ARHGEF28: variants seen among roughly 807,000 people sequenced by gnomAD.
ARHGEF28 encodes the protein 190 kDa guanine nucleotide exchange factor.
ARHGEF28 carries 152 observed loss-of-function variants against 206.6 expected under a neutral mutation model. The ratio of observed to expected loss-of-function variants is 0.74; its 90% confidence interval spans 0.64 to 0.84. The LOEUF is 0.84. Among genes scored for constraint, ARHGEF28 ranks in the 40% least tolerant of loss-of-function variants. ARHGEF28 has a pLI of 0.00. For synonymous variants in ARHGEF28, 763 were observed against 776.4 expected (o/e 0.98, Z 0.29); for missense variants, 2,028 against 2,073.2 (o/e 0.98, Z 0.42).
At chr5:73,639,251 T>C (rs2112134585) in intron 1 of ARHGEF28, among the ~76,000 whole-genome samples, 1 of 148,882 alleles carries the variant, frequency 6.7e-6, no homozygotes, top group South Asian at 2.1e-4. Flanking sequence ...ATATAATATA[T>C]ATACATCCTT....
Position 73,935,248 on chromosome 5 carries a change from T to C in ARHGEF28, c.4949-5596T>C, listed in dbSNP as rs376392049. Among the ~76,000 whole-genome samples the C allele has an allele frequency of 6.6e-4, 100 of 152,318 alleles. 3 individuals carry two copies. In the South Asian group the frequency reaches 0.02, roughly 31 times the overall value. On this transcript the variant is annotated intron_variant, in intron 35 of 35. Coordinates refer to ENST00000513042, the MANE Select transcript of ARHGEF28 (RefSeq NM_001177693.2). ...ACTTCACAAATTTGTACATGTGTTA[T>C]ACATGCCACATACATACACAAACAC... is the stretch of plus-strand genomic sequence containing the variant.
intron 35 of ARHGEF28, among the ~76,000 whole-genome samples, chr5:73,921,334 G>C (rs1476044660): frequency 1.3e-5 from 2 of 152,224 alleles, no homozygotes; most frequent in Non-Finnish European, 2.9e-5. Flanking sequence ...AGGAGGAAGA[G>C]TTGTTCTGCT....
intron 4 of ARHGEF28, among the ~76,000 whole-genome samples, chr5:73,764,353 A>G (rs1381366726): frequency 6.6e-6 from 1 of 152,226 alleles, no homozygotes; most frequent in Non-Finnish European, 1.5e-5. Context: ...CAGAATGTGA[A>G]GGTCAAAAAT....
intron 22 of ARHGEF28, among the ~76,000 whole-genome samples, chr5:73,880,200 CGAG>C (rs1760823275): frequency 6.6e-6 from 1 of 152,136 alleles, no homozygotes; most frequent in Admixed American, 6.5e-5. Context: ...TAGCAATCAG[CGAG>C]ACTCCGTGGG....
At chr5:73,799,523 C>CG (rs1426382099) in intron 9 of ARHGEF28, among the ~76,000 whole-genome samples, 38 of 152,272 alleles carry the variant, frequency 2.5e-4, no homozygotes, top group Non-Finnish European at 3.8e-4. Flanking sequence ...ACATGATGCT[C>CG]CTGTTCTTTC....
chr5:73,652,504 G>A (rs1744896105), intron 1 of ARHGEF28, among the ~76,000 whole-genome samples: 1 of 152,170 alleles, frequency 6.6e-6, no homozygotes, highest in Non-Finnish European at 1.5e-5. Flanking sequence ...GAAGGAAATA[G>A]CATTAGGGGC....
At chr5:73,734,650 G>T (rs1750806740) in intron 2 of ARHGEF28, among the ~76,000 whole-genome samples, 1 of 152,156 alleles carries the variant, frequency 6.6e-6, no homozygotes, top group African/African-American at 2.4e-5. Context: ...CACAACTGAG[G>T]TAGATTAAGA....
chr5:73,854,840 A>C (rs936502147), intron 14 of ARHGEF28, among the ~76,000 whole-genome samples: 5 of 149,670 alleles, frequency 3.3e-5, no homozygotes, highest in African/African-American at 7.5e-5. Flanking sequence ...TCAAAAAAAA[A>C]CAAAAACCCA....
chr5:73,938,256 A>G (rs1033454787), intron 35 of ARHGEF28, among the ~76,000 whole-genome samples: 10 of 151,442 alleles, frequency 6.6e-5, no homozygotes, highest in Non-Finnish European at 2.9e-5. Context: ...GAAGTAGAGC[A>G]TACAATGTAA....
intron 2 of ARHGEF28, among the ~76,000 whole-genome samples, chr5:73,693,131 A>C (rs1033306535): frequency 6.6e-6 from 1 of 151,924 alleles, no homozygotes. Context: ...CATAAGAATA[A>C]TTTTTTTTGA....
chr5:73,749,953 C>G lies in ARHGEF28; in HGVS notation c.150C>G (p.Ile50Met). ...HQRHVMIAER[I>M]EDNVLQSSVP... ...GACATGTCATGATTGCAGAGCGCAT[C>G]GAGGATAACGTTCTCCAGTCCAGCG... The change falls in exon 3 of 36, where the codon ATC becomes ATG. Residue 50 changes from isoleucine (I) to methionine (M), a missense_variant. Ile to Met is a conservative substitution (Grantham distance 10). Around this residue, in one of 3 missense-constraint regions of ARHGEF28, gnomAD observed 1,002 missense variants for 1,015.3 expected, o/e 0.99. Transcript: ENST00000513042. 1 of 1,613,952 alleles carries G rather than the reference C, an allele frequency of 6.2e-7. No homozygotes were observed. Among genetic ancestry groups the G allele is most frequent in the Non-Finnish European group, 8.5e-7 (1 of 1,179,870 alleles).
rs750356217 is a variant in ARHGEF28, at chr5:73,909,538, G to T, written c.4288G>T (p.Ala1430Ser). The T allele has an allele frequency of 6.9e-6, 11 of 1,591,144 alleles. No individual in the cohort carries two copies. The highest frequency in any genetic ancestry group is 1.8e-5 in the Admixed American group (1 of 56,190). The change falls in exon 34 of 36, where the codon GCG becomes TCG. Residue 1430 changes from alanine (A) to serine (S), a missense_variant. Physicochemically the swap from Ala to Ser is moderately conservative, Grantham distance 99. Around this residue, in one of 3 missense-constraint regions of ARHGEF28, gnomAD observed 803 missense variants for 768.0 expected, o/e 1.05. Coordinates refer to ENST00000513042, the MANE Select transcript of ARHGEF28 (RefSeq NM_001177693.2). Reference sequence around the variant, plus strand: ...CTTGCAGGACCAGAAGTCTCGCGACGCGGACAGGCAGCATGAGGAGCTGGC... The same window carrying T: ...CTTGCAGGACCAGAAGTCTCGCGACTCGGACAGGCAGCATGAGGAGCTGGC... ...GPLQDQKSRD[A>S]DRQHEELANV... is the part of the protein sequence containing the mutation.
intron 31 of ARHGEF28, chr5:73,902,932 A>C (rs571052558): frequency 6.6e-6 from 1 of 152,310 alleles, no homozygotes; most frequent in Non-Finnish European, 1.5e-5. Flanking sequence ...GGGCCACGAC[A>C]GAGCCAGAAG....
intron 1 of ARHGEF28, among the ~76,000 whole-genome samples, chr5:73,635,911 G>A (rs1743686737): frequency 6.6e-6 from 1 of 152,192 alleles, no homozygotes; most frequent in Non-Finnish European, 1.5e-5. Flanking sequence ...TTTTAAGGGG[G>A]AGTGAAATAG....
chr5:73,646,359 G>T (rs1294522192), intron 1 of ARHGEF28, among the ~76,000 whole-genome samples: 1 of 152,184 alleles, frequency 6.6e-6, no homozygotes, highest in Non-Finnish European at 1.5e-5. Flanking sequence ...AGATTTGGCT[G>T]TTCCCTCCTT....
At chr5:73,779,231 A>G (rs564375479) in intron 6 of ARHGEF28, among the ~76,000 whole-genome samples, 55 of 152,358 alleles carry the variant, frequency 3.6e-4, no homozygotes, top group African/African-American at 1.3e-3. Flanking sequence ...TCCAAACTGT[A>G]AAGACAGAAT....
At chr5:73,787,597 C>T (rs1754239423) in intron 7 of ARHGEF28, among the ~76,000 whole-genome samples, 1 of 152,116 alleles carries the variant, frequency 6.6e-6, no homozygotes, top group Non-Finnish European at 1.5e-5. Context: ...CCACTTTATT[C>T]AACTCCCACT....
intron 1 of ARHGEF28, among the ~76,000 whole-genome samples, chr5:73,683,516 AT>A (rs1747238584): frequency 6.6e-6 from 1 of 151,664 alleles, no homozygotes; most frequent in African/African-American, 2.4e-5. Flanking sequence ...GGCTTGTCCA[AT>A]TGTAGCATGT....
chr5:73,674,471 G>A (rs1459280760), intron 1 of ARHGEF28, among the ~76,000 whole-genome samples: 5 of 152,182 alleles, frequency 3.3e-5, no homozygotes, highest in South Asian at 2.1e-4. Context: ...AGGAACATGC[G>A]AGGTCCCCTT....
Sources: gnomAD v4.1 joint callset for allele counts (sites outside exome capture counted in the v4.1 genomes callset) on GRCh38, gnomAD v4.1.1 for gene constraint, gnomAD v4.1.1 regional missense constraint, MANE v1.5 for transcripts, NCBI Gene and HGNC (gene_info 2026-07-23, HGNC 2026-07-21) for gene names.